Variants in PLCH2 observed in about 807,000 individuals in gnomAD.
PLCH2 encodes phospholipase C eta 2, also known as 1-phosphatidylinositol 4,5-bisphosphate phosphodiesterase eta-2.
A neutral mutation model predicts 134.7 loss-of-function variants in PLCH2; 98 were observed. The observed-to-expected ratio is 0.73, with a 90% confidence interval of 0.62 to 0.86. PLCH2 has a LOEUF of 0.86. Among genes scored for constraint, PLCH2 ranks in the 40% least tolerant of loss-of-function variants. The probability of loss-of-function intolerance (pLI) is 0.00; values close to 1 mark genes in which losing one functional copy is unlikely to be tolerated. For synonymous variants in PLCH2, 974 were observed against 827.5 expected, an observed-to-expected ratio of 1.18 and a Z score of -3.04; for missense variants, 1,994 against 1,986.6, an observed-to-expected ratio of 1.00 and a Z score of -0.07.
Position 2,487,765 on chromosome 1 carries a change from A to G in PLCH2, c.1235+47A>G. On this transcript the variant is annotated intron_variant, in intron 8 of 21. Transcript: ENST00000378486. ...GGCTGGCCCCAGAGGTGGGCAGGGT[A>G]GGGTCTCCAGGCTCTAGCTCTTCCT... 3 of 1,581,106 alleles carry G rather than the reference A, an allele frequency of 1.9e-6. No homozygotes were observed. In the Middle Eastern group the frequency reaches 5.1e-4, roughly 270 times the overall value.
At chr1:2,466,208 G>T (rs2100603417), upstream of PLCH2, among the ~76,000 whole-genome samples, 1 of 152,236 alleles carries the variant, frequency 6.6e-6, no homozygotes, top group East Asian at 1.9e-4. Context: ...CCCAGAGGGA[G>T]GGGGCCGCCC....
chr1:2,434,101 G>T (rs977337054), intron 2 of PLCH2, among the ~76,000 whole-genome samples: 1 of 152,240 alleles, frequency 6.6e-6, no homozygotes, highest in East Asian at 1.9e-4. Context: ...TGGAGGCTGC[G>T]GGTCTCCCTG....
rs763234324 is a variant in PLCH2, at chr1:2,499,070, C to T, written c.2435-14C>T. ...CCTCCCCATGGGACACTCCTCCTGGCGCTGCTTCCCCAGGGTTCAACCCCA... is the reference window on the plus strand; with the variant it reads ...CCTCCCCATGGGACACTCCTCCTGGTGCTGCTTCCCCAGGGTTCAACCCCA... On this transcript the variant is annotated splice_polypyrimidine_tract_variant and intron_variant, in intron 18 of 21. Transcript: ENST00000378486. The T allele has an allele frequency of 2.2e-5, 36 of 1,603,316 alleles. No individual in the cohort carries two copies. The East Asian group carries it at 3.4e-4, about 15-fold the overall frequency.
Position 2,505,305 on chromosome 1 carries a change from A to C in PLCH2, c.*92A>C. On this transcript the variant is annotated 3_prime_UTR_variant, in exon 22 of 22. Coordinates refer to ENST00000378486, the MANE Select transcript of PLCH2 (RefSeq NM_014638.4). Reference sequence around the variant, plus strand: ...GGAAACAGGGCAGCCAGGCCCCCAAAACTGTGTCCCCCTGGCTGCCCTGTG... The same window carrying C: ...GGAAACAGGGCAGCCAGGCCCCCAACACTGTGTCCCCCTGGCTGCCCTGTG... 1.0e-6 allele frequency: 1 copy of C among 980,140 alleles called. No homozygotes were observed. Among genetic ancestry groups the C allele is most frequent in the Non-Finnish European group, 1.5e-6 (1 of 677,722 alleles). 60.7% of individuals were successfully genotyped at this position (980,140 alleles called of 1,614,324 possible).
chr1:2,452,252 G>A (rs1366701205), intron 2 of PLCH2, among the ~76,000 whole-genome samples: 1 of 152,224 alleles, frequency 6.6e-6, no homozygotes, highest in East Asian at 1.9e-4. Context: ...GCAATCCGGA[G>A]GTTCTCCAGA....
In PLCH2 at chr1:2,505,187, GA is replaced by G; in HGVS notation, c.4229del (p.Asn1410ThrfsTer88). 1 of 1,572,650 alleles carries G rather than the reference GA, an allele frequency of 6.4e-7. No individual in the cohort carries two copies. The highest frequency in any genetic ancestry group is 8.6e-7 in the Non-Finnish European group (1 of 1,169,224). ...CCTCGGGCCAGCATCCGCGGCTGCT[GA>G]AAACCTGGTCCTGCTCCGCCTCTGA... ...GALGPASAAA[E>X]NLVLLRL is the part of the protein sequence containing the mutation. On this transcript the variant is annotated frameshift_variant, in exon 22 of 22. Coordinates refer to ENST00000378486, the MANE Select transcript of PLCH2 (RefSeq NM_014638.4). LOFTEE classifies it high-confidence loss of function.
intron 2 of PLCH2, among the ~76,000 whole-genome samples, chr1:2,435,353 T>C (rs970855560): frequency 6.6e-6 from 1 of 152,072 alleles, no homozygotes; most frequent in Non-Finnish European, 1.5e-5. Flanking sequence ...GATAGGGAAG[T>C]GAGGCTCACG....
chr1:2,454,285 G>A (rs1011620974), intron 2 of PLCH2, among the ~76,000 whole-genome samples: 4 of 152,184 alleles, frequency 2.6e-5, no homozygotes, highest in Non-Finnish European at 5.9e-5. Context: ...CGCCCACCAT[G>A]CCCGACTCAC....
At chr1:2,467,613 G>C in exon 1 of PLCH2, 1 of 411,586 alleles carries the variant, frequency 2.4e-6, no homozygotes, top group Non-Finnish European at 4.3e-6. Flanking sequence ...ATTGGCACCC[G>C]CCGGCCATGG....
At chr1:2,445,211 G>T (rs1262699236) in intron 2 of PLCH2, among the ~76,000 whole-genome samples, 1 of 152,132 alleles carries the variant, frequency 6.6e-6, no homozygotes, top group Non-Finnish European at 1.5e-5. Flanking sequence ...GGGCAAGTGG[G>T]TGCCTGTGGC....
At chr1:2,473,627 C>T (rs1641453627), upstream of PLCH2, among the ~76,000 whole-genome samples, 3 of 152,228 alleles carry the variant, frequency 2.0e-5, no homozygotes, top group Non-Finnish European at 4.4e-5. Flanking sequence ...CCCTGTCCAC[C>T]TGTGTCCAGC....
intron 20 of PLCH2, chr1:2,500,820 C>T (rs1643182303): frequency 1.2e-5 from 1 of 86,198 alleles, no homozygotes; most frequent in African/African-American, 5.0e-5. Context: ...CCTCAGTCCT[C>T]CCTCCCCTCC....
upstream of PLCH2, among the ~76,000 whole-genome samples, chr1:2,471,871 T>C (rs2100621144): frequency 6.6e-6 from 1 of 152,262 alleles, no homozygotes; most frequent in African/African-American, 2.4e-5. Context: ...GGTACTGCCA[T>C]GGGGTCAGGC....
chr1:2,443,790 C>T (rs917389001), intron 2 of PLCH2, among the ~76,000 whole-genome samples: 1 of 147,550 alleles, frequency 6.8e-6, no homozygotes, highest in Non-Finnish European at 1.5e-5. Context: ...TCACCGCGCA[C>T]AGCCCGCCGC....
In PLCH2 at chr1:2,476,499, T is replaced by C; in HGVS notation, c.-90T>C. On this transcript the variant is annotated 5_prime_UTR_variant, in exon 1 of 22. Coordinates refer to ENST00000378486, the MANE Select transcript of PLCH2 (RefSeq NM_014638.4). ...GAGAGAAGGCCCCACGGAGGTCCTG[T>C]CGCCAGCGCTGCCACTGCCTGACCT... 7.8e-7 allele frequency: 1 copy of C among 1,281,796 alleles called. No homozygotes were observed. Among genetic ancestry groups the C allele is most frequent in the Non-Finnish European group, 1.0e-6 (1 of 965,300 alleles). The allele number at this position is 1,281,796 out of a possible 1,614,324, so 79.4% of individuals were successfully genotyped here.
rs1379962751 is a variant in PLCH2, at chr1:2,439,525, A to G, written c.115+8896A>G. On this transcript the variant is annotated intron_variant, in intron 2 of 3. Coordinates refer to the PLCH2 transcript ENST00000609981. This position sits in a 1 kb window ranked among gnomAD's most constrained non-coding sequence, Gnocchi z 4.7. Reference sequence around the variant, plus strand: ...GGAAAATGAAACACACACTTTCTAAATTTAGCTGCTGAGGATTGCACGTTT... The same window carrying G: ...GGAAAATGAAACACACACTTTCTAAGTTTAGCTGCTGAGGATTGCACGTTT... Among the ~76,000 whole-genome samples the G allele has an allele frequency of 6.6e-6, 1 of 152,238 alleles. No individual in the cohort carries two copies. Among genetic ancestry groups the G allele is most frequent in the Non-Finnish European group, 1.5e-5 (1 of 68,036 alleles).
At chr1:2,465,519 T>C (rs1368672815), upstream of PLCH2, among the ~76,000 whole-genome samples, 1 of 152,022 alleles carries the variant, frequency 6.6e-6, no homozygotes, top group African/African-American at 2.4e-5. Flanking sequence ...GAGGAGAAAA[T>C]TAAACTCCCT....
upstream of PLCH2, among the ~76,000 whole-genome samples, chr1:2,424,292 C>G (rs1403055970): frequency 2.8e-5 from 3 of 108,662 alleles, no homozygotes; most frequent in Non-Finnish European, 5.8e-5. Flanking sequence ...TGCTGCACAA[C>G]AGAACTAAAA....
At chr1:2,464,319 G>A (rs1337691706), upstream of PLCH2, among the ~76,000 whole-genome samples, 3 of 152,158 alleles carry the variant, frequency 2.0e-5, no homozygotes, top group Admixed American at 6.5e-5. Flanking sequence ...CTTTCTCTGG[G>A]GCTGTTTGTG....
Sources: allele counts gnomAD v4.1 joint callset (sites outside exome capture counted in the v4.1 genomes callset), GRCh38; gene constraint gnomAD v4.1.1; non-coding constraint Gnocchi (gnomAD v3.1); transcripts MANE v1.5; gene names NCBI Gene and HGNC (gene_info 2026-07-23, HGNC 2026-07-21).